LIPM: variants seen among roughly 807,000 people sequenced by gnomAD.
The protein encoded by LIPM is lipase family member M, also known as lipase member M.
A neutral mutation model predicts 42.4 loss-of-function variants in LIPM; 42 were observed. That is an observed-to-expected ratio of 0.99 (90% CI 0.77 to 1.28). The LOEUF is 1.28. Ranked by LOEUF, LIPM falls within the 50% of genes most tolerant of loss-of-function variation. The pLI is 0.00. For missense variants in LIPM, 524 were observed against 520.1 expected, an observed-to-expected ratio of 1.01 and a Z score of -0.07; for synonymous variants, 177 against 173.3, an observed-to-expected ratio of 1.02 and a Z score of -0.17.
intron 1 of LIPM, among the ~76,000 whole-genome samples, chr10:88,806,790 T>G (rs1308972060): frequency 6.6e-6 from 1 of 152,124 alleles, no homozygotes; most frequent in African/African-American, 2.4e-5. Flanking sequence ...ATTCAAGCAA[T>G]TCCTCTTCCT....
intron 2 of LIPM, 81 bp downstream of exon 2, chr10:88,808,496 G>A (rs1456696438): frequency 8.3e-6 from 7 of 847,416 alleles, no homozygotes; most frequent in Non-Finnish European, 1.4e-5. Flanking sequence ...GTAGAAGAGA[G>A]CCTGGGTTCT....
In LIPM at chr10:88,813,161, C is replaced by T; in HGVS notation, c.330C>T (p.Asn110=). Residue 110 remains asparagine, a synonymous_variant, in exon 3 of 9, where the codon AAC becomes AAT. Coordinates refer to ENST00000404743, the MANE Select transcript of LIPM (RefSeq NM_001128215.1). ...GAGGTGCTAGCAACTGGATTTCCAA[C>T]CTGCCCAACAATAGCCTGGGCTTCA... The part of the protein sequence containing the change: ...LVGGASNWIS[N]LPNNSLGFIL... 3 of 1,612,926 alleles carry T rather than the reference C, an allele frequency of 1.9e-6. No homozygotes were observed. The highest frequency in any genetic ancestry group is 2.5e-6 in the Non-Finnish European group (3 of 1,179,378).
rs370940208 is a variant in LIPM at position 88,820,267 on chromosome 10, G to A, written c.1038G>A (p.Thr346=). The A allele has an allele frequency of 3.6e-4, 562 of 1,551,544 alleles. No individual in the cohort carries two copies. The highest frequency in any genetic ancestry group is 4.7e-4 in the Admixed American group (24 of 50,984). Residue 346 remains threonine, a synonymous_variant, in exon 9 of 9, where the codon ACG becomes ACA. Coordinates refer to ENST00000404743, the MANE Select transcript of LIPM (RefSeq NM_001128215.1). Reference sequence around the variant, plus strand: ...TAAGGTACAGAGTCAGAGATATGACGGTCCCTACAGCAATGTGGACAGGAG... The same window carrying A: ...TAAGGTACAGAGTCAGAGATATGACAGTCCCTACAGCAATGTGGACAGGAG... ...TPVRYRVRDM[T]VPTAMWTGGQ...
intron 3 of LIPM, among the ~76,000 whole-genome samples, chr10:88,814,109 T>C (rs949083379): frequency 6.6e-6 from 1 of 152,222 alleles, no homozygotes; most frequent in Non-Finnish European, 1.5e-5. Context: ...TTTAACTCTT[T>C]TATTTAAATT....
chr10:88,815,579 G>A, intron 6 of LIPM, 76 bp downstream of exon 6: 1 of 1,286,616 alleles, frequency 7.8e-7, no homozygotes, highest in Non-Finnish European at 1.1e-6. Flanking sequence ...TGGAGGGAGA[G>A]CTAATGCCAG....
At chr10:88,810,676 T>C (rs976728531) in intron 2 of LIPM, among the ~76,000 whole-genome samples, 1 of 152,192 alleles carries the variant, frequency 6.6e-6, no homozygotes, top group Non-Finnish European at 1.5e-5. Flanking sequence ...GGCTGGGCCA[T>C]CCTCAGAAAT....
chr10:88,811,002 T>C (rs1843648444), intron 2 of LIPM, among the ~76,000 whole-genome samples: 1 of 152,192 alleles, frequency 6.6e-6, no homozygotes, highest in African/African-American at 2.4e-5. Context: ...CTGAGTTCCT[T>C]CCTCCTGGCC....
At position 88,816,830 on chromosome 10, in the gene LIPM, A is replaced by G; in HGVS notation, c.873A>G (p.Val291=). 1 of 1,551,114 alleles carries G rather than the reference A, an allele frequency of 6.4e-7. No individual in the cohort carries two copies. The highest frequency in any genetic ancestry group is 1.4e-5 in the African/African-American group (1 of 73,142). The part of the protein sequence containing the change: ...TNNMNMSRAS[V]YAAHTLAGTS... ...GTTTGTTACAGAGCCGAGCAAGTGTATATGCTGCCCACACTCTTGCTGGAA... is the reference window on the plus strand; with the variant it reads ...GTTTGTTACAGAGCCGAGCAAGTGTGTATGCTGCCCACACTCTTGCTGGAA... Residue 291 remains valine, a synonymous_variant, in exon 7 of 9, where the codon GTA becomes GTG. Coordinates refer to ENST00000404743, the MANE Select transcript of LIPM (RefSeq NM_001128215.1).
At chr10:88,806,495 A>G (rs567923590) in intron 1 of LIPM, among the ~76,000 whole-genome samples, 10 of 152,184 alleles carry the variant, frequency 6.6e-5, no homozygotes, top group African/African-American at 2.4e-4. Context: ...AACTCCCCAA[A>G]TAGTTGACAA....
intron 5 of LIPM, 61 bp downstream of exon 5, chr10:88,815,285 A>C: frequency 2.4e-5 from 37 of 1,547,310 alleles, no homozygotes; most frequent in Non-Finnish European, 3.1e-5. Context: ...CCAATTTCCT[A>C]AAACATAAAC....
At chr10:88,817,119 T>C (rs1843727158) in intron 7 of LIPM, among the ~76,000 whole-genome samples, 1 of 152,206 alleles carries the variant, frequency 6.6e-6, no homozygotes, top group African/African-American at 2.4e-5. Context: ...CTTAAAAGTA[T>C]GAATTTAGAT....
At chr10:88,816,788 C>T (rs1427470619) in intron 6 of LIPM, 28 bp from the exon 7 acceptor site, 1 of 1,492,794 alleles carries the variant, frequency 6.7e-7, no homozygotes, top group Non-Finnish European at 9.1e-7. Flanking sequence ...TTTTCTATGT[C>T]CCCCAGAATA....
chr10:88,820,182 C>T lies in LIPM; in HGVS notation c.1003-50C>T, dbSNP rs540802940. On this transcript the variant is annotated intron_variant, in intron 8 of 8. Coordinates refer to ENST00000404743, the MANE Select transcript of LIPM (RefSeq NM_001128215.1). ...GTCTATTTGAAACATAAATTATGAG[C>T]CTGAAAGTCCAAATGTTACCTAGAG... The T allele has an allele frequency of 1.1e-4, 162 of 1,424,958 alleles. 3 individuals carry two copies. Among genetic ancestry groups the T allele is most frequent in the South Asian group, 1.1e-3 (83 of 73,480 alleles). 88.3% of individuals were successfully genotyped at this position (1,424,958 alleles called of 1,614,324 possible).
chr10:88,814,173 C>T (rs1231997723), intron 3 of LIPM, among the ~76,000 whole-genome samples: 3 of 152,226 alleles, frequency 2.0e-5, no homozygotes, highest in Non-Finnish European at 2.9e-5. Flanking sequence ...ACCACTTCAG[C>T]ATCTTTACAA....
In LIPM at chr10:88,814,628, GC is replaced by G. The variant is rs1167036944; in HGVS notation, c.564del (p.Thr189ProfsTer24). On this transcript the variant is annotated frameshift_variant, in exon 4 of 9. Coordinates refer to ENST00000404743, the MANE Select transcript of LIPM (RefSeq NM_001128215.1). LOFTEE classifies it high-confidence loss of function. ...EKIYYVGYSQ[G>X]TTMGFIAFST... ...ATCTATTATGTCGGCTATTCACAGG[GC>G]ACCACCATGGGTAGGTTCAAAGAAA... The G allele has an allele frequency of 6.4e-7, 1 of 1,551,374 alleles. No homozygotes were observed. Among genetic ancestry groups the G allele is most frequent in the African/African-American group, 1.4e-5 (1 of 72,950 alleles).
At chr10:88,805,390 C>T (rs1031354326) in intron 1 of LIPM, among the ~76,000 whole-genome samples, 3 of 152,328 alleles carry the variant, frequency 2.0e-5, no homozygotes, top group African/African-American at 7.2e-5. Context: ...GCTGGAGCAG[C>T]TAAGAACATG....
rs922467413 is a variant in LIPM at position 88,820,281 on chromosome 10, T to A, written c.1052T>A (p.Met351Lys). Residue 351 changes from methionine to lysine, a missense_variant, in exon 9 of 9, where the codon ATG (methionine) becomes AAG (lysine). By Grantham distance (95) the Met-to-Lys change is moderately conservative (BLOSUM62 -1). Transcript: ENST00000404743. ...RVRDMTVPTAMWTGGQDWLSN... is the reference protein window; with the variant it reads ...RVRDMTVPTAKWTGGQDWLSN... ...AGAGATATGACGGTCCCTACAGCAA[T>A]GTGGACAGGAGGTCAGGACTGGCTT... 10 of 1,551,892 alleles carry A rather than the reference T, an allele frequency of 6.4e-6. No individual in the cohort carries two copies. The highest frequency in any genetic ancestry group is 8.7e-6 in the Non-Finnish European group (10 of 1,147,080).
chr10:88,806,628 T>G (rs1843591293), intron 1 of LIPM, among the ~76,000 whole-genome samples: 1 of 152,190 alleles, frequency 6.6e-6, no homozygotes, highest in Admixed American at 6.5e-5. Context: ...TCCCGCAATT[T>G]GTGTTTTAAC....
At chr10:88,819,939 A>G (rs2133065370) in intron 8 of LIPM, among the ~76,000 whole-genome samples, 1 of 152,392 alleles carries the variant, frequency 6.6e-6, no homozygotes, top group African/African-American at 2.4e-5. Context: ...TAATAGGAAG[A>G]AAAAAGAAAT....
Sources: allele counts gnomAD v4.1 joint callset (sites outside exome capture counted in the v4.1 genomes callset), GRCh38; gene constraint gnomAD v4.1.1; transcripts MANE v1.5; gene names NCBI Gene and HGNC (gene_info 2026-07-23, HGNC 2026-07-21).